Variants in ADGRV1 observed in about 807,000 individuals in gnomAD.
The protein encoded by ADGRV1 is adhesion G protein-coupled receptor V1, also known as G-protein coupled receptor 98.
Under a neutral mutation model 596.2 loss-of-function variants are expected in ADGRV1, and 359 were observed. That is an observed-to-expected ratio of 0.60 (90% confidence interval 0.55 to 0.66). ADGRV1 has a LOEUF of 0.66. Among genes scored for constraint, ADGRV1 ranks in the 30% least tolerant of loss-of-function variants. The pLI is 0.00. For synonymous variants in ADGRV1, 2,681 were observed against 2,679.2 expected (o/e 1.00, Z -0.02); for missense variants, 7,274 against 7,575.6 (o/e 0.96, Z 1.48).
At position 90,811,074 on chromosome 5, in the gene ADGRV1, A is replaced by C; in HGVS notation, c.15814A>C (p.Asn5272His). 6.2e-7 allele frequency: 1 copy of C among 1,614,008 alleles called. No homozygotes were observed. The highest frequency in any genetic ancestry group is 1.7e-5 in the Admixed American group (1 of 60,034). Residue 5272 changes from asparagine (N) to histidine (H), a missense_variant, in exon 74 of 90, where the codon AAT (asparagine) becomes CAT (histidine). Coordinates refer to ENST00000405460, the MANE Select transcript of ADGRV1 (RefSeq NM_032119.4). Reference protein sequence around the residue: ...FGERCAQMEPNALPFRGIYGI... With the variant: ...FGERCAQMEPHALPFRGIYGI... Reference sequence around the variant, plus strand: ...TGAAAGATGTGCTCAGATGGAACCAAATGCATTGCCCTTTCGTGGTATCTA... The same window carrying C: ...TGAAAGATGTGCTCAGATGGAACCACATGCATTGCCCTTTCGTGGTATCTA...
At chr5:91,041,218 C>G (rs1785319099) in intron 85 of ADGRV1, among the ~76,000 whole-genome samples, 1 of 152,090 alleles carries the variant, frequency 6.6e-6, no homozygotes, top group African/African-American at 2.4e-5. Context: ...TTCACAATAG[C>G]AAAGACTTGG....
chr5:90,638,060 G>A, intron 11 of ADGRV1, 112 bp downstream of exon 11: 1 of 735,280 alleles, frequency 1.4e-6, no homozygotes, highest in Non-Finnish European at 2.2e-6. Context: ...AAAAAGTCAA[G>A]TAAATAGTGT....
intron 43 of ADGRV1, chr5:90,717,611 T>G (rs991693914): frequency 1.3e-5 from 2 of 152,226 alleles, no homozygotes; most frequent in Non-Finnish European, 2.9e-5. Flanking sequence ...TTCTCCTGCC[T>G]CGGCCTCCTG....
intron 16 of ADGRV1, among the ~76,000 whole-genome samples, chr5:90,646,511 T>C (rs1370041295): frequency 6.6e-6 from 1 of 152,064 alleles, no homozygotes; most frequent in Non-Finnish European, 1.5e-5. Flanking sequence ...GTATTATGCC[T>C]AATGGATGGC....
intron 21 of ADGRV1, among the ~76,000 whole-genome samples, chr5:90,672,344 G>A (rs1246035268): frequency 6.6e-6 from 1 of 152,182 alleles, no homozygotes. Flanking sequence ...CTCTATAATG[G>A]AATGGGAGAA....
In ADGRV1 at chr5:90,750,712, A is replaced by C. The variant is rs372359544; in HGVS notation, c.11121+15A>C. 73 of 1,600,250 alleles carry C rather than the reference A, an allele frequency of 4.6e-5. No homozygotes were observed. The highest frequency in any genetic ancestry group is 6.2e-5 in the Non-Finnish European group (72 of 1,168,840). ...CCTCAGGAGTGGTATGTAATTTACA[A>C]AGTTATAGGAAACACTTTTAAATTA... On this transcript the variant is annotated intron_variant, in intron 53 of 89. Coordinates refer to ENST00000405460, the MANE Select transcript of ADGRV1 (RefSeq NM_032119.4).
chr5:90,642,430 GA>G (rs1767084952), intron 11 of ADGRV1, among the ~76,000 whole-genome samples: 1 of 152,128 alleles, frequency 6.6e-6, no homozygotes, highest in African/African-American at 2.4e-5. Flanking sequence ...AATGAATTCA[GA>G]AATAGAAGTT....
chr5:90,759,963 C>CAAAAAAAAAAA lies in ADGRV1; in HGVS notation c.12120+394_12120+404dup, dbSNP rs34526448. ...CTGGCGACATAGAGAGACTCCATCT[C>CAAAAAAAAAAA]AAAAAAAAAAAAAAAAAAAAAAAAA... On this transcript the variant is annotated intron_variant, in intron 58 of 89. Coordinates refer to ENST00000405460, the MANE Select transcript of ADGRV1 (RefSeq NM_032119.4). 6 of 14,884 alleles carry CAAAAAAAAAAA rather than the reference C, an allele frequency of 4.0e-4. 1 individual carries two copies. The highest frequency in any genetic ancestry group is 1.3e-3 in the Admixed American group (1 of 744). 0.9% of individuals were successfully genotyped at this position (14,884 alleles called of 1,614,324 possible). A position where few individuals can be genotyped will look rare whatever the true frequency, so the allele number is the denominator to read the frequency against.
chr5:90,745,325 C>A, intron 51 of ADGRV1, 60 bp downstream of exon 51: 1 of 1,068,334 alleles, frequency 9.4e-7, no homozygotes, highest in Non-Finnish European at 1.3e-6. Context: ...TATGACAGCT[C>A]ATTTCCAAGT....
chr5:90,937,307 T>C (rs1466300597), intron 83 of ADGRV1, among the ~76,000 whole-genome samples: 2 of 152,198 alleles, frequency 1.3e-5, no homozygotes, highest in African/African-American at 4.8e-5. Flanking sequence ...TTCTGTAGCA[T>C]GAATATTACA....
intron 87 of ADGRV1, among the ~76,000 whole-genome samples, chr5:91,135,807 G>A (rs987503161): frequency 6.6e-6 from 1 of 152,284 alleles, no homozygotes; most frequent in East Asian, 1.9e-4. Context: ...TTAGGGTAGA[G>A]CATAATAAGG....
In ADGRV1 at chr5:90,622,606, A is replaced by G. The variant is rs199873924; in HGVS notation, c.463A>G (p.Ile155Val). ...TTGCTTTCCTCAATAGCTTCCCTCAATCGCAGTGAGTGAGCCCAAGGGCAG... is the reference window on the plus strand; with the variant it reads ...TTGCTTTCCTCAATAGCTTCCCTCAGTCGCAGTGAGTGAGCCCAAGGGCAG... The part of the protein sequence containing the change: ...GIISFNMLPS[I>V]AVSEPKGRNE... Residue 155 changes from isoleucine to valine, a missense_variant, in exon 5 of 90, where the codon ATC becomes GTC. Physicochemically the swap from Ile to Val is conservative, Grantham distance 29. Around this residue, in one of 5 missense-constraint regions of ADGRV1, gnomAD observed 1,715 missense variants for 1,708.8 expected, o/e 1.00. Coordinates refer to ENST00000405460, the MANE Select transcript of ADGRV1 (RefSeq NM_032119.4). The G allele has an allele frequency of 3.8e-4, 548 of 1,449,268 alleles. 2 individuals carry two copies. In the African/African-American group the frequency reaches 6.5e-3, roughly 17 times the overall value. The allele number at this position is 1,449,268 out of a possible 1,614,324, so 89.8% of individuals were successfully genotyped here.
chr5:90,788,302 A>G lies in ADGRV1; in HGVS notation c.13885A>G (p.Thr4629Ala), dbSNP rs556042039. 6.2e-7 allele frequency: 1 copy of G among 1,610,716 alleles called. No individual in the cohort carries two copies. Among genetic ancestry groups the G allele is most frequent in the East Asian group, 2.2e-5 (1 of 44,832 alleles). ...AKLDSRAKDV[T>A]LTIQEFGDPN... ...ATTAGACTCCAGAGCTAAAGATGTT[A>G]CATTAACCGTATGTATGGCTTTATT... The change falls in exon 68 of 90, where the codon ACA becomes GCA. Residue 4629 changes from threonine (T) to alanine (A), a missense_variant. Thr to Ala is a moderately conservative substitution (Grantham distance 58). Around this residue, in one of 5 missense-constraint regions of ADGRV1, gnomAD observed 3,643 missense variants for 3,809.2 expected, o/e 0.96. Coordinates refer to ENST00000405460, the MANE Select transcript of ADGRV1 (RefSeq NM_032119.4).
intron 83 of ADGRV1, among the ~76,000 whole-genome samples, chr5:90,894,316 C>T (rs1216558376): frequency 6.6e-6 from 1 of 152,126 alleles, no homozygotes; most frequent in Non-Finnish European, 1.5e-5. Flanking sequence ...TTTTTATGCC[C>T]ATATCCCACT....
At chr5:90,748,409 A>AT (rs1310419739) in intron 52 of ADGRV1, among the ~76,000 whole-genome samples, 1 of 152,166 alleles carries the variant, frequency 6.6e-6, no homozygotes, top group African/African-American at 2.4e-5. Flanking sequence ...TATCTGAAAT[A>AT]TTTTTTCAAC....
At chr5:90,744,193 C>T (rs372738069) in intron 50 of ADGRV1, among the ~76,000 whole-genome samples, 1 of 151,882 alleles carries the variant, frequency 6.6e-6, no homozygotes, top group Admixed American at 6.6e-5. Context: ...CACTATGTTG[C>T]CGGGTCTCGA....
At chr5:91,023,454 C>A (rs977572213) in intron 85 of ADGRV1, among the ~76,000 whole-genome samples, 3 of 152,072 alleles carry the variant, frequency 2.0e-5, no homozygotes, top group Non-Finnish European at 2.9e-5. Flanking sequence ...AAAGTTGTTG[C>A]TGTATATTCA....
intron 1 of ADGRV1, among the ~76,000 whole-genome samples, chr5:90,591,937 G>A (rs1254716921): frequency 1.3e-5 from 2 of 152,194 alleles, no homozygotes; most frequent in Non-Finnish European, 2.9e-5. Context: ...CAGGTTTAGA[G>A]ACACAACTGA....
intron 4 of ADGRV1, among the ~76,000 whole-genome samples, chr5:90,621,339 T>C (rs760803213): frequency 1.3e-5 from 2 of 152,250 alleles, no homozygotes; most frequent in Non-Finnish European, 2.9e-5. Flanking sequence ...GTAAATATGA[T>C]CTTTATAGTG....
Sources: allele counts gnomAD v4.1 joint callset (sites outside exome capture counted in the v4.1 genomes callset), GRCh38; gene constraint gnomAD v4.1.1; regional missense constraint gnomAD v4.1.1; transcripts MANE v1.5; gene names NCBI Gene and HGNC (gene_info 2026-07-23, HGNC 2026-07-21).